TANGO6: variants seen among roughly 807,000 people sequenced by gnomAD.
TANGO6 encodes transport and golgi organization 6 homolog.
Under a neutral mutation model 114.2 loss-of-function variants are expected in TANGO6, and 90 were observed. The ratio of observed to expected loss-of-function variants is 0.79; its 90% CI spans 0.66 to 0.94. TANGO6 has a LOEUF of 0.94. Ranked by LOEUF, TANGO6 falls within the 40% of genes least tolerant of loss-of-function variation. The pLI is 0.00. For synonymous variants in TANGO6, 477 were observed against 509.8 expected (o/e 0.94, Z 0.87); for missense variants, 1,274 against 1,315.3 (o/e 0.97, Z 0.49).
intron 1 of TANGO6, among the ~76,000 whole-genome samples, chr16:68,855,890 A>C (rs1415402811): frequency 2.0e-5 from 3 of 152,198 alleles, no homozygotes; most frequent in Non-Finnish European, 4.4e-5. Flanking sequence ...TCAAAAAAAA[A>C]AAAAAAATTA....
At chr16:68,943,330 A>G (rs1293563359) in intron 14 of TANGO6, among the ~76,000 whole-genome samples, 2 of 148,152 alleles carry the variant, frequency 1.3e-5, no homozygotes, top group Non-Finnish European at 3.0e-5. Context: ...ATGCAGTGGC[A>G]TGATTAAAGC....
At chr16:68,864,625 G>T in intron 3 of TANGO6, among the ~76,000 whole-genome samples, 1 of 152,088 alleles carries the variant, frequency 6.6e-6, no homozygotes, top group East Asian at 1.9e-4. Flanking sequence ...AAAGGAATTA[G>T]CTGTAGGTCA....
rs924486575 is a variant in TANGO6, at chr16:69,024,271, T to C, written c.2994+1292T>C. Among the ~76,000 whole-genome samples the C allele has an allele frequency of 7.1e-4, 97 of 137,240 alleles. 1 individual carries two copies. The highest frequency in any genetic ancestry group is 5.4e-3 in the East Asian group (26 of 4,834). The allele number at this position is 137,240 out of a possible 152,430, so 90.0% of individuals were successfully genotyped here. On this transcript the variant is annotated intron_variant, in intron 16 of 17. Transcript: ENST00000261778. Reference sequence around the variant, plus strand: ...CTATGAGTGTCTTTCTCTAGCCCCCTTTTTTTTTTTTTTGAGACAGAGTCT... The same window carrying C: ...CTATGAGTGTCTTTCTCTAGCCCCCCTTTTTTTTTTTTTGAGACAGAGTCT...
intron 14 of TANGO6, among the ~76,000 whole-genome samples, chr16:68,950,936 C>G (rs940838600): frequency 1.3e-5 from 2 of 151,864 alleles, no homozygotes; most frequent in Non-Finnish European, 2.9e-5. Flanking sequence ...GTGGAGCTCT[C>G]AGGACTATGA....
In TANGO6 at chr16:68,860,453, G is replaced by C. The variant is rs778799095; in HGVS notation, c.664G>C (p.Asp222His). The stretch of plus-strand genomic sequence containing the variant: ...CTTGATCTTCTGCCACCACTTTGGG[G>C]ATATCGCAGCAGGTCTGTGCCAACT... ...GSLIFCHHFGDIAAGLCQLGF... is the reference protein window; with the variant it reads ...GSLIFCHHFGHIAAGLCQLGF... Residue 222 changes from aspartate to histidine, a missense_variant, in exon 2 of 18, where the codon GAT (aspartate) becomes CAT (histidine). Physicochemically the swap from Asp to His is moderately conservative, Grantham distance 81 (BLOSUM62 -1). Around this residue, in one of 5 missense-constraint regions of TANGO6, gnomAD observed 908 missense variants for 910.2 expected, o/e 1.00. Coordinates refer to ENST00000261778, the MANE Select transcript of TANGO6 (RefSeq NM_024562.2). 6.2e-7 allele frequency: 1 copy of C among 1,613,984 alleles called. No individual in the cohort carries two copies. Among genetic ancestry groups the C allele is most frequent in the East Asian group, 2.2e-5 (1 of 44,884 alleles).
chr16:68,923,974 A>G (rs1303674642), intron 12 of TANGO6, among the ~76,000 whole-genome samples: 2 of 152,198 alleles, frequency 1.3e-5, no homozygotes, highest in Non-Finnish European at 2.9e-5. Flanking sequence ...AAGGAGAGCC[A>G]TGCTTCTTGT....
intron 9 of TANGO6, among the ~76,000 whole-genome samples, chr16:68,904,674 CA>C (rs764383847): frequency 2.6e-4 from 40 of 151,994 alleles, no homozygotes; most frequent in Non-Finnish European, 5.7e-4. Flanking sequence ...TTGTACAATA[CA>C]AAAAACACAT....
intron 11 of TANGO6, among the ~76,000 whole-genome samples, chr16:68,917,732 A>G (rs1236641545): frequency 6.6e-6 from 1 of 151,992 alleles, no homozygotes; most frequent in Non-Finnish European, 1.5e-5. Flanking sequence ...ATGTCGGTTC[A>G]GGACTTTTGC....
chr16:69,071,561 AT>A (rs1160550993), intron 17 of TANGO6, among the ~76,000 whole-genome samples: 1 of 152,182 alleles, frequency 6.6e-6, no homozygotes, highest in African/African-American at 2.4e-5. Flanking sequence ...TATTAAAATA[AT>A]TTTTAAGTGT....
intron 7 of TANGO6, among the ~76,000 whole-genome samples, chr16:68,890,675 A>G (rs1464089392): frequency 6.6e-6 from 1 of 152,158 alleles, no homozygotes; most frequent in Non-Finnish European, 1.5e-5. Context: ...GCTTGAGGTC[A>G]GGAGTTCAAG....
At chr16:68,897,309 G>A (rs973866319) in intron 7 of TANGO6, among the ~76,000 whole-genome samples, 3 of 152,014 alleles carry the variant, frequency 2.0e-5, no homozygotes, top group East Asian at 1.9e-4. Flanking sequence ...TCACTACCTG[G>A]TATTATATAG....
chr16:68,917,066 G>A (rs887640534), intron 11 of TANGO6, among the ~76,000 whole-genome samples: 8 of 152,192 alleles, frequency 5.3e-5, no homozygotes, highest in Non-Finnish European at 1.2e-4. Flanking sequence ...CACCTGTTCT[G>A]TTCTCCCTCT....
At chr16:69,072,613 C>G (rs1224994979) in intron 17 of TANGO6, among the ~76,000 whole-genome samples, 1 of 152,016 alleles carries the variant, frequency 6.6e-6, no homozygotes, top group African/African-American at 2.4e-5. Context: ...TGTGTGGGAT[C>G]CCTAGAGTCA....
rs756982627 is a variant in TANGO6, at chr16:68,843,583, T to G, written c.-35T>G. On this transcript the variant is annotated 5_prime_UTR_variant, in exon 1 of 18. The change abolishes the stop of an existing upstream ORF in the 5' untranslated region. Transcript: ENST00000261778. ...GGCGGCGGCGCCCTGCCGAGGCGCC[T>G]GAGCGGGTCGCGAGCGTGGTGTTAC... is the stretch of plus-strand genomic sequence containing the variant. 1.5e-5 allele frequency: 24 copies of G among 1,603,610 alleles called. No homozygotes were observed. The highest frequency in any genetic ancestry group is 2.0e-5 in the Non-Finnish European group (24 of 1,173,698).
chr16:68,948,866 G>T (rs11649015), intron 14 of TANGO6, among the ~76,000 whole-genome samples: 2 of 152,142 alleles, frequency 1.3e-5, no homozygotes, highest in African/African-American at 2.4e-5. Flanking sequence ...CATTGTTTTA[G>T]GAGCATTAGG....
chr16:69,040,500 G>A lies in TANGO6; in HGVS notation c.3108+79G>A. ...TCTCAATCTTCCTTTTACCAGGGAA[G>A]GCCTCAAACCTCTTTCCTCGATGGA... On this transcript the variant is annotated intron_variant, in intron 17 of 17. Coordinates refer to ENST00000261778, the MANE Select transcript of TANGO6 (RefSeq NM_024562.2). The A allele has an allele frequency of 3.3e-6, 4 of 1,228,182 alleles. No individual in the cohort carries two copies. The Admixed American group carries it at 6.1e-5, about 19-fold the overall frequency. The allele number at this position is 1,228,182 out of a possible 1,614,324, so 76.1% of individuals were successfully genotyped here.
intron 15 of TANGO6, among the ~76,000 whole-genome samples, chr16:69,010,709 T>G (rs1373574813): frequency 6.6e-6 from 1 of 152,162 alleles, no homozygotes; most frequent in Non-Finnish European, 1.5e-5. Context: ...ATCCTGTTGC[T>G]CTCATCCTGC....
chr16:69,015,120 G>C (rs1181093415), intron 15 of TANGO6, among the ~76,000 whole-genome samples: 1 of 152,068 alleles, frequency 6.6e-6, no homozygotes, highest in Non-Finnish European at 1.5e-5. Flanking sequence ...TTAGTCAGAG[G>C]GTAGCAGAGC....
At chr16:68,962,977 C>T (rs1597038502) in intron 14 of TANGO6, among the ~76,000 whole-genome samples, 1 of 150,934 alleles carries the variant, frequency 6.6e-6, no homozygotes, top group East Asian at 2.0e-4. Context: ...GCCCGTAGTC[C>T]CAGTCACTCG....
Sources: gnomAD v4.1 joint callset for allele counts (sites outside exome capture counted in the v4.1 genomes callset) on GRCh38, gnomAD v4.1.1 for gene constraint, gnomAD v4.1.1 regional missense constraint, MANE v1.5 for transcripts, NCBI Gene and HGNC (gene_info 2026-07-23, HGNC 2026-07-21) for gene names.